The following CDH2 variants were observed in gnomAD, a reference collection of about 807,000 sequenced individuals.
The protein encoded by CDH2 is cadherin-2.
In CDH2, 17 loss-of-function variants were observed where a neutral mutation model predicts 92.0. The ratio of observed to expected loss-of-function variants is 0.18; its 90% confidence interval spans 0.13 to 0.28. The LOEUF is 0.28. Among genes scored for constraint, CDH2 ranks in the 10% least tolerant of loss-of-function variants. The pLI is 1.00. For synonymous variants in CDH2, 419 were observed against 415.9 expected (o/e 1.01, Z -0.09); for missense variants, 862 against 1,133.1 (o/e 0.76, Z 3.44).
chr18:27,993,000 G>C (rs2012471522), intron 8 of CDH2, among the ~76,000 whole-genome samples, 160 bp from the exon 9 acceptor site: 1 of 152,124 alleles, frequency 6.6e-6, no homozygotes, highest in South Asian at 2.1e-4. Context: ...ATTTATGTCT[G>C]ACTTTAAAAA....
At position 28,146,659 on chromosome 18, in the gene CDH2, C is replaced by T. The variant is rs28365318; in HGVS notation, c.172+1014G>A. ...ACGATAGTAGCTAAGAGGCCATTTA[C>T]ATTTCAAAGTCCTCTGTCTATGGTA... On this transcript the variant is annotated intron_variant, in intron 2 of 15. Coordinates refer to ENST00000269141, the MANE Select transcript of CDH2 (RefSeq NM_001792.5). 24 of 152,220 alleles carry T rather than the reference C, an allele frequency of 1.6e-4. No homozygotes were observed. The East Asian group carries it at 4.4e-3, about 28-fold the overall frequency. The allele number at this position is 152,220 out of a possible 1,614,324, so 9.4% of individuals were successfully genotyped here.
intron 2 of CDH2, among the ~76,000 whole-genome samples, chr18:28,103,140 TTATA>T (rs953567114): frequency 1.4e-5 from 2 of 140,068 alleles, no homozygotes; most frequent in Admixed American, 7.4e-5. Context: ...AATAAACTCC[TTATA>T]TATATATATA....
chr18:28,040,959 T>C (rs2013936254), intron 2 of CDH2, among the ~76,000 whole-genome samples: 1 of 152,142 alleles, frequency 6.6e-6, no homozygotes, highest in Non-Finnish European at 1.5e-5. Context: ...AATTCCTGAG[T>C]CATAAGGAGA....
At chr18:28,028,007 T>C (rs950390353) in intron 2 of CDH2, among the ~76,000 whole-genome samples, 2 of 152,110 alleles carry the variant, frequency 1.3e-5, no homozygotes, top group Admixed American at 1.3e-4. Flanking sequence ...TAGCTCCATA[T>C]TTCTGGTTAC....
chr18:27,966,272 G>A (rs1174517148), intron 14 of CDH2, among the ~76,000 whole-genome samples: 3 of 152,072 alleles, frequency 2.0e-5, no homozygotes, highest in African/African-American at 4.8e-5. Context: ...ACACAAAAAG[G>A]TAATTGAATC....
chr18:28,167,384 TA>T (rs1216655800), intron 1 of CDH2, among the ~76,000 whole-genome samples: 1 of 152,094 alleles, frequency 6.6e-6, no homozygotes, highest in East Asian at 1.9e-4. Context: ...AAAAAATGAT[TA>T]ATCTTTCCAT....
chr18:27,988,837 A>G (rs1318706987), intron 10 of CDH2, among the ~76,000 whole-genome samples, 171 bp from the exon 11 acceptor site: 1 of 152,194 alleles, frequency 6.6e-6, no homozygotes. Context: ...ATTGGGAGGC[A>G]CATAAAGGTT....
chr18:28,076,604 A>G (rs1217362998), intron 2 of CDH2, among the ~76,000 whole-genome samples: 1 of 151,982 alleles, frequency 6.6e-6, no homozygotes, highest in Non-Finnish European at 1.5e-5. Flanking sequence ...GGTTTGTTAC[A>G]TATGTATACA....
chr18:28,106,672 C>A (rs2015328536), intron 2 of CDH2, among the ~76,000 whole-genome samples: 1 of 152,084 alleles, frequency 6.6e-6, no homozygotes, highest in Non-Finnish European at 1.5e-5. Flanking sequence ...TTTAATAGAC[C>A]TTGTTTCTGT....
intron 2 of CDH2, among the ~76,000 whole-genome samples, chr18:28,139,163 T>C (rs926490119): frequency 2.6e-5 from 4 of 152,190 alleles, no homozygotes; most frequent in Middle Eastern, 3.4e-3. Context: ...GTTCTAAAAA[T>C]GCAGGTACAT....
chr18:28,124,642 G>T (rs1301441725), intron 2 of CDH2, among the ~76,000 whole-genome samples: 1 of 152,118 alleles, frequency 6.6e-6, no homozygotes, highest in Admixed American at 6.6e-5. Flanking sequence ...TAAAAGAGAA[G>T]AAAACAATGA....
chr18:28,104,494 T>G (rs559489030), intron 2 of CDH2, among the ~76,000 whole-genome samples: 1 of 151,842 alleles, frequency 6.6e-6, no homozygotes, highest in South Asian at 2.1e-4. Flanking sequence ...CATAGAATTC[T>G]TATGCTTTTC....
intron 11 of CDH2, among the ~76,000 whole-genome samples, chr18:27,988,033 A>C (rs1567951328): frequency 6.6e-6 from 1 of 152,170 alleles, no homozygotes; most frequent in Non-Finnish European, 1.5e-5. Flanking sequence ...TCAGAAAGGA[A>C]AAAAAGGTGC....
intron 6 of CDH2, among the ~76,000 whole-genome samples, chr18:27,942,555 T>G (rs931464680): frequency 6.6e-6 from 1 of 152,162 alleles, no homozygotes; most frequent in South Asian, 2.1e-4. Context: ...CTCAAGGCAC[T>G]TGAGGATGTT....
At chr18:28,153,467 G>A (rs2016157415) in intron 1 of CDH2, among the ~76,000 whole-genome samples, 1 of 152,214 alleles carries the variant, frequency 6.6e-6, no homozygotes, top group Non-Finnish European at 1.5e-5. Flanking sequence ...TCTTCATGTA[G>A]ATGCTACTTA....
At chr18:28,032,433 T>C (rs2013721403) in intron 2 of CDH2, among the ~76,000 whole-genome samples, 1 of 152,122 alleles carries the variant, frequency 6.6e-6, no homozygotes, top group African/African-American at 2.4e-5. Context: ...CACTTCCTCA[T>C]ATCCAACAGC....
At chr18:28,172,462 C>G (rs1270155053) in intron 1 of CDH2, among the ~76,000 whole-genome samples, 3 of 152,050 alleles carry the variant, frequency 2.0e-5, no homozygotes, top group Non-Finnish European at 2.9e-5. Context: ...AGACTAGCAT[C>G]TGCTCAAATT....
Position 28,141,598 on chromosome 18 carries a change from C to T in CDH2, c.172+6075G>A, listed in dbSNP as rs756810566. On this transcript the variant is annotated intron_variant, in intron 2 of 15. Coordinates refer to ENST00000269141, the MANE Select transcript of CDH2 (RefSeq NM_001792.5). ...CCACCGCTACCACTTTGATCCACAC[C>T]ACCTTCTCTCATCAGATTATTACTA... Among the ~76,000 whole-genome samples, 6 of 152,000 alleles carry T rather than the reference C, an allele frequency of 3.9e-5. No homozygotes were observed. The South Asian group carries it at 6.2e-4, about 16-fold the overall frequency.
chr18:28,005,785 A>G, intron 6 of CDH2, 64 bp downstream of exon 6: 5 of 1,142,056 alleles, frequency 4.4e-6, no homozygotes, highest in Non-Finnish European at 1.2e-6. Flanking sequence ...TCTTGCTCAT[A>G]TAACAGGGCT....
Sources: allele counts gnomAD v4.1 joint callset (sites outside exome capture counted in the v4.1 genomes callset), GRCh38; gene constraint gnomAD v4.1.1; transcripts MANE v1.5; gene names NCBI Gene and HGNC (gene_info 2026-07-23, HGNC 2026-07-21).